DLG2: variants seen among roughly 807,000 people sequenced by gnomAD.
DLG2 encodes disks large homolog 2.
A neutral mutation model predicts 132.5 loss-of-function variants in DLG2; 45 were observed. The observed-to-expected ratio is 0.34, with a 90% CI of 0.27 to 0.44. DLG2 has a LOEUF of 0.44. DLG2 is among the 20% of genes least tolerant of loss of function. DLG2 has a pLI of 1.00. For synonymous variants in DLG2, 424 were observed against 419.6 expected (o/e 1.01, Z -0.13); for missense variants, 1,045 against 1,196.9 (o/e 0.87, Z 1.87).
intron 9 of DLG2, among the ~76,000 whole-genome samples, chr11:84,106,984 G>A (rs1291249837): frequency 5.5e-4 from 24 of 43,266 alleles, no homozygotes; most frequent in Middle Eastern, 0.042. Context: ...CTTAGGGTGT[G>A]TGTGTGTGTG....
rs2074637268 is a variant in DLG2, at chr11:84,796,555, C to T, written c.358-261824G>A. Among the ~76,000 whole-genome samples the T allele has an allele frequency of 3.9e-5, 6 of 152,154 alleles. No individual in the cohort carries two copies. The South Asian group carries it at 1.0e-3, about 26-fold the overall frequency. On this transcript the variant is annotated intron_variant, in intron 6 of 27. Transcript: ENST00000376104. Reference sequence around the variant, plus strand: ...CGTTTCCTTCAGGTTGAAGAACTCCCTTTAGCATTTCTTGTAAGACAGATC... The same window carrying T: ...CGTTTCCTTCAGGTTGAAGAACTCCTTTTAGCATTTCTTGTAAGACAGATC...
chr11:85,527,078 T>G (rs962524643), intron 3 of DLG2, among the ~76,000 whole-genome samples: 4 of 152,160 alleles, frequency 2.6e-5, no homozygotes, highest in Admixed American at 1.3e-4. Flanking sequence ...AATACAAACT[T>G]TCACAAAGAA....
intron 5 of DLG2, among the ~76,000 whole-genome samples, chr11:85,122,290 A>G (rs1399276117): frequency 1.3e-5 from 2 of 152,220 alleles, no homozygotes; most frequent in East Asian, 1.9e-4. Flanking sequence ...AATACCAAGG[A>G]AAGTACTTAA....
chr11:83,538,290 G>C (rs2095950673), intron 20 of DLG2, among the ~76,000 whole-genome samples: 1 of 152,118 alleles, frequency 6.6e-6, no homozygotes, highest in African/African-American at 2.4e-5. Context: ...TGCTAGGTGG[G>C]AGCAAGACAT....
At chr11:84,095,607 A>G (rs1353699032) in intron 10 of DLG2, among the ~76,000 whole-genome samples, 2 of 152,126 alleles carry the variant, frequency 1.3e-5, no homozygotes, top group African/African-American at 4.8e-5. Context: ...AGCACTACCT[A>G]ATAATCTTAA....
At chr11:85,468,407 G>C (rs979961191) in intron 3 of DLG2, among the ~76,000 whole-genome samples, 1 of 152,060 alleles carries the variant, frequency 6.6e-6, no homozygotes, top group Non-Finnish European at 1.5e-5. Context: ...TGATGTTCGG[G>C]TGTCAATTTT....
chr11:84,401,906 C>T (rs1029079255), intron 7 of DLG2, among the ~76,000 whole-genome samples: 3 of 152,058 alleles, frequency 2.0e-5, no homozygotes, highest in East Asian at 3.9e-4. Flanking sequence ...TTTATTTGCA[C>T]GTTTGACATG....
chr11:85,497,338 G>C (rs188599623), intron 3 of DLG2, among the ~76,000 whole-genome samples: 1 of 151,616 alleles, frequency 6.6e-6, no homozygotes, highest in Non-Finnish European at 1.5e-5. Flanking sequence ...AGTGATTGAA[G>C]ATGAACTCAT....
chr11:85,144,903 C>T (rs1046943387), intron 5 of DLG2, among the ~76,000 whole-genome samples: 26 of 152,058 alleles, frequency 1.7e-4, no homozygotes, highest in Non-Finnish European at 3.5e-4. Flanking sequence ...TGTGTATTTG[C>T]TGTTACCAGT....
At chr11:85,579,417 C>A (rs1034453842) in intron 3 of DLG2, among the ~76,000 whole-genome samples, 6 of 151,838 alleles carry the variant, frequency 4.0e-5, no homozygotes, top group African/African-American at 9.7e-5. Flanking sequence ...AGAGAGAGAC[C>A]TGAGGACTTA....
intron 3 of DLG2, among the ~76,000 whole-genome samples, chr11:85,392,887 C>G (rs1029947524): frequency 6.6e-6 from 1 of 152,000 alleles, no homozygotes; most frequent in African/African-American, 2.4e-5. Context: ...AAGATAACAT[C>G]GGAAAAACCC....
intron 19 of DLG2, among the ~76,000 whole-genome samples, chr11:83,578,825 G>T (rs979061055): frequency 6.6e-6 from 1 of 152,116 alleles, no homozygotes; most frequent in Admixed American, 6.5e-5. Context: ...TTTCAAGTGC[G>T]TATGAAACAT....
intron 3 of DLG2, among the ~76,000 whole-genome samples, chr11:85,588,851 C>T (rs983202770): frequency 6.6e-6 from 1 of 152,042 alleles, no homozygotes; most frequent in East Asian, 1.9e-4. Context: ...TTCTTTTGTC[C>T]CATGGGGTGG....
rs532694921 is a variant in DLG2 at position 84,646,458 on chromosome 11, C to T, written c.358-111727G>A. Among the ~76,000 whole-genome samples the T allele has an allele frequency of 3.0e-4, 45 of 152,136 alleles. 1 individual carries two copies. In the South Asian group the frequency reaches 9.3e-3, roughly 32 times the overall value. On this transcript the variant is annotated intron_variant, in intron 6 of 27. Transcript: ENST00000376104. ...TTGACAACTTCCTTGGACTTTAATT[C>T]TTTGGCATTTACTTTATCTTTGTCA...
intron 15 of DLG2, among the ~76,000 whole-genome samples, chr11:83,922,669 T>C (rs1200662674): frequency 1.3e-5 from 2 of 152,032 alleles, no homozygotes; most frequent in Non-Finnish European, 1.5e-5. Context: ...GCAGAGTGGA[T>C]GTGGGAAGTG....
At chr11:84,412,162 G>C (rs1272922063) in intron 7 of DLG2, among the ~76,000 whole-genome samples, 2 of 151,898 alleles carry the variant, frequency 1.3e-5, no homozygotes, top group Admixed American at 1.3e-4. Context: ...TTATGAGAAT[G>C]TGATGATGAT....
chr11:83,824,827 A>G (rs118134955), intron 17 of DLG2, among the ~76,000 whole-genome samples: 4,603 of 152,152 alleles, frequency 0.03, 106 homozygotes, highest in Middle Eastern at 0.085. Context: ...TCCTTTGAGT[A>G]GTGATATTGT....
At chr11:84,936,604 T>TA (rs1283592707) in intron 6 of DLG2, 1 of 152,170 alleles carries the variant, frequency 6.6e-6, no homozygotes, top group South Asian at 2.1e-4. Flanking sequence ...ACATGTACAA[T>TA]AAAAAAATCT....
At chr11:84,111,520 A>G (rs1460297997) in intron 9 of DLG2, among the ~76,000 whole-genome samples, 1 of 152,204 alleles carries the variant, frequency 6.6e-6, no homozygotes, top group East Asian at 1.9e-4. Context: ...TGCTCAGTAA[A>G]TGTTTGATGA....
Sources: gnomAD v4.1 joint callset for allele counts (sites outside exome capture counted in the v4.1 genomes callset) on GRCh38, gnomAD v4.1.1 for gene constraint, MANE v1.5 for transcripts, NCBI Gene and HGNC (gene_info 2026-07-23, HGNC 2026-07-21) for gene names.